The following KCNN2 variants were observed in gnomAD, a reference collection of about 807,000 sequenced individuals.
KCNN2 encodes potassium calcium-activated channel subfamily N member 2, also known as small conductance calcium-activated potassium channel protein 2.
In KCNN2, 24 loss-of-function variants were observed where a neutral mutation model predicts 55.5. The observed-to-expected ratio is 0.43, with a 90% CI of 0.31 to 0.61. The LOEUF is 0.61. Ranked by LOEUF, KCNN2 falls within the 20% of genes least tolerant of loss-of-function variation. KCNN2 has a pLI of 0.08. For missense variants in KCNN2, 754 were observed against 853.6 expected (o/e 0.88, Z 1.45); for synonymous variants, 431 against 336.1 (o/e 1.28, Z -3.09).
intron 2 of KCNN2, among the ~76,000 whole-genome samples, chr5:114,321,739 A>G (rs1756618015): frequency 6.6e-6 from 1 of 151,800 alleles, no homozygotes; most frequent in Non-Finnish European, 1.5e-5. Flanking sequence ...GCATGATCTC[A>G]GCTCACTGCA....
At chr5:114,346,447 T>C (rs1757104452) in intron 2 of KCNN2, among the ~76,000 whole-genome samples, 2 of 152,298 alleles carry the variant, frequency 1.3e-5, no homozygotes, top group East Asian at 1.9e-4. Flanking sequence ...AGCTATTCTG[T>C]AACTAAGATT....
intron 1 of KCNN2, among the ~76,000 whole-genome samples, chr5:114,213,860 T>C (rs1177221854): frequency 6.6e-6 from 1 of 152,046 alleles, no homozygotes; most frequent in African/African-American, 2.4e-5. Flanking sequence ...TGAACCCAAG[T>C]TCAAAGCTCT....
intron 2 of KCNN2, among the ~76,000 whole-genome samples, chr5:114,312,955 G>A (rs1486939776): frequency 1.3e-5 from 2 of 152,040 alleles, no homozygotes; most frequent in African/African-American, 2.4e-5. Context: ...CTAGAAACAC[G>A]TTTTTCTCAT....
chr5:114,178,445 TAGTC>T (rs1403340776), intron 1 of KCNN2, among the ~76,000 whole-genome samples: 8 of 152,288 alleles, frequency 5.3e-5, no homozygotes, highest in Non-Finnish European at 7.4e-5. Flanking sequence ...TTGTTAAAGA[TAGTC>T]AGTTTCTATG....
At chr5:114,244,343 A>G (rs1329891537) in intron 2 of KCNN2, among the ~76,000 whole-genome samples, 1 of 151,404 alleles carries the variant, frequency 6.6e-6, no homozygotes, top group Non-Finnish European at 1.5e-5. Flanking sequence ...ATGGCGGCTC[A>G]TTGCCACTTG....
At chr5:114,228,230 G>A (rs1754282389) in intron 2 of KCNN2, among the ~76,000 whole-genome samples, 3 of 151,918 alleles carry the variant, frequency 2.0e-5, no homozygotes, top group South Asian at 4.1e-4. Context: ...AGTAAATATA[G>A]ACTCCCTTTT....
intron 1 of KCNN2, among the ~76,000 whole-genome samples, chr5:114,112,601 C>T (rs984843726): frequency 1.3e-5 from 2 of 151,800 alleles, no homozygotes; most frequent in African/African-American, 2.4e-5. Flanking sequence ...ACTTTTTGGG[C>T]GATTCTCTAG....
chr5:114,436,574 C>T (rs1760011719), intron 3 of KCNN2, among the ~76,000 whole-genome samples: 1 of 152,190 alleles, frequency 6.6e-6, no homozygotes, highest in East Asian at 1.9e-4. Flanking sequence ...CCTAGGCATA[C>T]ATACTTGGAC....
intron 2 of KCNN2, among the ~76,000 whole-genome samples, chr5:114,373,695 C>T (rs555254379): frequency 9.2e-6 from 1 of 108,608 alleles, no homozygotes; most frequent in South Asian, 3.6e-4. Flanking sequence ...GTGGTAAGGG[C>T]TATTTACATG....
At chr5:114,318,416 G>A (rs796482877) in intron 2 of KCNN2, among the ~76,000 whole-genome samples, 4 of 151,836 alleles carry the variant, frequency 2.6e-5, no homozygotes, top group Admixed American at 6.6e-5. Flanking sequence ...ACTTACATAC[G>A]TATTAATAGA....
At chr5:114,154,746 A>G (rs1752595811) in intron 1 of KCNN2, among the ~76,000 whole-genome samples, 1 of 152,108 alleles carries the variant, frequency 6.6e-6, no homozygotes, top group African/African-American at 2.4e-5. Flanking sequence ...TCATTTAAAC[A>G]TGGTATCTCT....
chr5:114,133,347 A>T (rs1229412845), intron 1 of KCNN2, among the ~76,000 whole-genome samples: 1 of 152,180 alleles, frequency 6.6e-6, no homozygotes, highest in African/African-American at 2.4e-5. Context: ...TTTACTTTTA[A>T]AGTGCCTTCT....
chr5:114,258,723 C>G (rs4624785), intron 2 of KCNN2, among the ~76,000 whole-genome samples: 130,073 of 152,220 alleles, frequency 0.85, 55,689 homozygotes, highest in East Asian at 0.94. Context: ...GGGACACTCA[C>G]ATTGGTCAGA....
intron 1 of KCNN2, among the ~76,000 whole-genome samples, chr5:114,205,945 A>G (rs1398513534): frequency 1.3e-5 from 2 of 152,190 alleles, no homozygotes; most frequent in Non-Finnish European, 2.9e-5. Context: ...TAGGATAGTT[A>G]TTGTGCTAAA....
chr5:114,495,814 A>C, intron 7 of KCNN2, 81 bp from the exon 8 acceptor site: 2 of 1,336,718 alleles, frequency 1.5e-6, no homozygotes, highest in Non-Finnish European at 2.1e-6. Flanking sequence ...CCAGCAAGAG[A>C]CCAGAGCTAA....
intron 2 of KCNN2, among the ~76,000 whole-genome samples, chr5:114,268,286 C>A (rs2150007008): frequency 6.6e-6 from 1 of 152,324 alleles, no homozygotes; most frequent in South Asian, 2.1e-4. Flanking sequence ...GCCTTTAATA[C>A]TAATACACAA....
chr5:114,420,446 ACTG>A (rs1265775083), intron 3 of KCNN2, among the ~76,000 whole-genome samples: 1 of 152,280 alleles, frequency 6.6e-6, no homozygotes, highest in Middle Eastern at 3.4e-3. Context: ...CAAATGCAGG[ACTG>A]CTTCTACCAA....
chr5:114,189,500 C>CA (rs1753406620), intron 1 of KCNN2, among the ~76,000 whole-genome samples: 1 of 152,196 alleles, frequency 6.6e-6, no homozygotes, highest in Non-Finnish European at 1.5e-5. Flanking sequence ...GCTTCACAGA[C>CA]ATACCCTGTC....
chr5:114,180,159 C>G (rs1225354466), intron 1 of KCNN2, among the ~76,000 whole-genome samples: 1 of 152,170 alleles, frequency 6.6e-6, no homozygotes, highest in East Asian at 1.9e-4. Flanking sequence ...TTTGAGTTGA[C>G]AAATTCTTCA....
Sources: gnomAD v4.1 joint callset for allele counts (sites outside exome capture counted in the v4.1 genomes callset) on GRCh38, gnomAD v4.1.1 for gene constraint, MANE v1.5 for transcripts, NCBI Gene and HGNC (gene_info 2026-07-23, HGNC 2026-07-21) for gene names.